FSTL5: variants seen among roughly 807,000 people sequenced by gnomAD.
The protein encoded by FSTL5 is follistatin like 5.
In FSTL5, 62 loss-of-function variants were observed where a neutral mutation model predicts 89.1. The observed-to-expected ratio is 0.70, with a 90% CI of 0.57 to 0.86. FSTL5 has a LOEUF of 0.86. Ranked by LOEUF, FSTL5 falls within the 40% of genes least tolerant of loss-of-function variation. The pLI is 0.00. For missense variants in FSTL5, 1,057 were observed against 1,001.6 expected (o/e 1.06, Z -0.75); for synonymous variants, 383 against 346.2 (o/e 1.11, Z -1.18).
chr4:162,017,117 C>T (rs1186789952), intron 3 of FSTL5, among the ~76,000 whole-genome samples: 1 of 152,122 alleles, frequency 6.6e-6, no homozygotes, highest in Non-Finnish European at 1.5e-5. Flanking sequence ...ATAATTTTCC[C>T]TTAGAGTCAG....
chr4:161,738,927 T>G (rs976495551), intron 6 of FSTL5, among the ~76,000 whole-genome samples: 3 of 152,176 alleles, frequency 2.0e-5, no homozygotes, highest in African/African-American at 7.2e-5. Context: ...TTAAAGTGCT[T>G]TATTATTTCT....
At chr4:161,499,058 T>A (rs1730199304) in intron 12 of FSTL5, among the ~76,000 whole-genome samples, 1 of 151,942 alleles carries the variant, frequency 6.6e-6, no homozygotes, top group South Asian at 2.1e-4. Flanking sequence ...AGAAATTAGC[T>A]GGGCTTGGAG....
At chr4:162,034,084 G>A (rs1275818791) in intron 2 of FSTL5, among the ~76,000 whole-genome samples, 6 of 151,920 alleles carry the variant, frequency 3.9e-5, no homozygotes, top group South Asian at 2.1e-4. Context: ...TTAGAGGAGT[G>A]AGTCCCCATC....
chr4:161,781,627 T>C (rs373444243), intron 4 of FSTL5, among the ~76,000 whole-genome samples: 104 of 152,244 alleles, frequency 6.8e-4, no homozygotes, highest in African/African-American at 2.3e-3. Flanking sequence ...GACCAGAACT[T>C]ATAGAGTTCC....
chr4:161,829,182 A>G (rs932148175), intron 4 of FSTL5, among the ~76,000 whole-genome samples: 5 of 146,424 alleles, frequency 3.4e-5, no homozygotes, highest in African/African-American at 9.9e-5. Context: ...CACACTGTAT[A>G]TATATTAAAT....
intron 2 of FSTL5, among the ~76,000 whole-genome samples, chr4:162,095,692 C>A (rs1730722402): frequency 6.6e-6 from 1 of 151,796 alleles, no homozygotes; most frequent in African/African-American, 2.4e-5. Context: ...TAAACAATGG[C>A]TGAAATTTCA....
chr4:161,601,516 C>A (rs1488732762), intron 7 of FSTL5, among the ~76,000 whole-genome samples: 1 of 151,984 alleles, frequency 6.6e-6, no homozygotes, highest in South Asian at 2.1e-4. Flanking sequence ...ATATAACTAC[C>A]TAAGGTTGAT....
intron 5 of FSTL5, among the ~76,000 whole-genome samples, chr4:161,771,329 G>A (rs1435624233): frequency 1.3e-5 from 2 of 152,024 alleles, no homozygotes; most frequent in Admixed American, 6.6e-5. Context: ...TGCTAGCAAT[G>A]TTTCCAATAA....
chr4:162,151,149 T>C (rs1340719041), intron 1 of FSTL5, among the ~76,000 whole-genome samples: 2 of 152,044 alleles, frequency 1.3e-5, no homozygotes, highest in Non-Finnish European at 2.9e-5. Context: ...ACTGAATCAT[T>C]AGGGCATATA....
chr4:161,719,013 G>A (rs912435498), intron 6 of FSTL5, among the ~76,000 whole-genome samples: 1 of 152,144 alleles, frequency 6.6e-6, no homozygotes, highest in African/African-American at 2.4e-5. Flanking sequence ...AAACCCATTG[G>A]TAACAGTTGG....
chr4:162,113,728 A>G (rs76986969), intron 1 of FSTL5, among the ~76,000 whole-genome samples: 2,383 of 152,208 alleles, frequency 0.016, 43 homozygotes, highest in African/African-American at 0.053. Flanking sequence ...CACTTGAAAT[A>G]TGGCCCTTTC....
intron 6 of FSTL5, among the ~76,000 whole-genome samples, chr4:161,754,925 G>A (rs1740520955): frequency 6.6e-6 from 1 of 152,046 alleles, no homozygotes; most frequent in African/African-American, 2.4e-5. Context: ...ACTTGGTATA[G>A]AATAATAGCA....
intron 14 of FSTL5, among the ~76,000 whole-genome samples, chr4:161,458,994 A>C (rs1733463540): frequency 6.6e-6 from 1 of 152,164 alleles, no homozygotes; most frequent in African/African-American, 2.4e-5. Context: ...TTCTTTTCGC[A>C]TATAAATATA....
At chr4:161,693,872 T>A (rs1036783424) in intron 6 of FSTL5, among the ~76,000 whole-genome samples, 2 of 151,978 alleles carry the variant, frequency 1.3e-5, no homozygotes, top group Non-Finnish European at 2.9e-5. Context: ...TCTCCTGACC[T>A]CTTGATCTGC....
chr4:162,066,355 CCTTCTTCTTCTT>C (rs1285551001), intron 2 of FSTL5, among the ~76,000 whole-genome samples: 1 of 61,166 alleles, frequency 1.6e-5, no homozygotes, highest in African/African-American at 6.1e-5. Context: ...TTCTTCTTCT[CCTTCTTCTTCTT>C]CTTCTCCTTC....
At chr4:161,522,415 G>C (rs1445311315) in intron 10 of FSTL5, among the ~76,000 whole-genome samples, 1 of 151,898 alleles carries the variant, frequency 6.6e-6, no homozygotes, top group Non-Finnish European at 1.5e-5. Flanking sequence ...ATAAAATGTG[G>C]TCAAGCAAGA....
intron 2 of FSTL5, among the ~76,000 whole-genome samples, chr4:162,086,445 C>T (rs17599095): frequency 0.07 from 10,620 of 151,428 alleles, 498 homozygotes; most frequent in East Asian, 0.16. Flanking sequence ...GCCATGGCAA[C>T]GTTAACAATT....
At chr4:161,689,676 A>G (rs1425791755) in intron 6 of FSTL5, among the ~76,000 whole-genome samples, 4 of 152,118 alleles carry the variant, frequency 2.6e-5, no homozygotes, top group African/African-American at 9.6e-5. Context: ...ACAATTTATG[A>G]CCTTAACGTA....
intron 6 of FSTL5, among the ~76,000 whole-genome samples, chr4:161,717,962 C>CA (rs1327201146): frequency 2.6e-5 from 4 of 152,114 alleles, no homozygotes; most frequent in Admixed American, 2.6e-4. Flanking sequence ...GTAATATGTG[C>CA]AGTCACTTAT....
Sources: gnomAD v4.1 joint callset for allele counts (sites outside exome capture counted in the v4.1 genomes callset) on GRCh38, gnomAD v4.1.1 for gene constraint, MANE v1.5 for transcripts, NCBI Gene and HGNC (gene_info 2026-07-23, HGNC 2026-07-21) for gene names.